Variants in NRG3 observed in about 807,000 individuals in gnomAD.
NRG3 encodes neuregulin 3, also known as pro-neuregulin-3, membrane-bound isoform.
NRG3 carries 31 observed loss-of-function variants against 66.9 expected under a neutral mutation model. The ratio of observed to expected loss-of-function variants is 0.46; its 90% confidence interval spans 0.35 to 0.63. The LOEUF is 0.63. Ranked by LOEUF, NRG3 falls within the 20% of genes least tolerant of loss-of-function variation. The pLI is 0.00. For synonymous variants in NRG3, 393 were observed against 359.4 expected, an observed-to-expected ratio of 1.09 and a Z score of -1.06; for missense variants, 910 against 878.9, an observed-to-expected ratio of 1.04 and a Z score of -0.45.
intron 2 of NRG3, among the ~76,000 whole-genome samples, chr10:82,404,500 C>G (rs2087353248): frequency 6.6e-6 from 1 of 152,152 alleles, no homozygotes; most frequent in African/African-American, 2.4e-5. Context: ...GATTTAGAAC[C>G]ACATTTTCTC....
intron 2 of NRG3, among the ~76,000 whole-genome samples, chr10:82,694,967 TCATTTTAAGGCAGC>T (rs1477180015): frequency 8.5e-5 from 13 of 152,088 alleles, no homozygotes; most frequent in African/African-American, 2.4e-4. Context: ...AATTACAATC[TCATTTTAAGGCAGC>T]CATTTTAAGG....
At chr10:82,329,407 GTTGT>G (rs146279511) in intron 1 of NRG3, among the ~76,000 whole-genome samples, 16,909 of 108,624 alleles carry the variant, frequency 0.16, 1,694 homozygotes, top group African/African-American at 0.32. Flanking sequence ...TTTTTGTTTT[GTTGT>G]TTGTTTGGTG....
At chr10:82,424,096 A>G (rs543355000) in intron 2 of NRG3, among the ~76,000 whole-genome samples, 2 of 152,136 alleles carry the variant, frequency 1.3e-5, no homozygotes, top group East Asian at 3.9e-4. Context: ...ATGCTTCTAT[A>G]GACATTTGCC....
intron 3 of NRG3, among the ~76,000 whole-genome samples, chr10:82,839,069 C>T (rs1171491253): frequency 6.6e-6 from 1 of 152,154 alleles, no homozygotes; most frequent in African/African-American, 2.4e-5. Flanking sequence ...ATCTCTCCCA[C>T]AACACGTGAG....
rs530514205 is a variant in NRG3, at chr10:82,502,520, G to A, written c.953+143652G>A. Among the ~76,000 whole-genome samples the A allele has an allele frequency of 3.0e-4, 45 of 152,214 alleles. No individual in the cohort carries two copies. In the South Asian group the frequency reaches 8.3e-3, roughly 28 times the overall value. On this transcript the variant is annotated intron_variant, in intron 2 of 8. Coordinates refer to ENST00000372141, the MANE Select transcript of NRG3 (RefSeq NM_001010848.4). The stretch of plus-strand genomic sequence containing the variant: ...AAATTTTATTAATTAAATATTAATT[G>A]CATTTTTCTGATATTTCAATGAAAA...
chr10:81,979,710 G>A (rs2060264178), intron 1 of NRG3, among the ~76,000 whole-genome samples: 1 of 152,096 alleles, frequency 6.6e-6, no homozygotes, highest in Non-Finnish European at 1.5e-5. Context: ...TCACATGCAT[G>A]CACAAACACA....
At chr10:82,180,055 A>G (rs1366558495) in intron 1 of NRG3, among the ~76,000 whole-genome samples, 2 of 151,790 alleles carry the variant, frequency 1.3e-5, no homozygotes, top group African/African-American at 4.8e-5. Context: ...TTGTTAGTGT[A>G]TAAACACAAC....
intron 2 of NRG3, among the ~76,000 whole-genome samples, chr10:82,679,652 C>T (rs1047638476): frequency 6.6e-6 from 1 of 152,104 alleles, no homozygotes; most frequent in Non-Finnish European, 1.5e-5. Context: ...AGAGTGGGGC[C>T]TTTCTGATTA....
At chr10:82,444,978 T>C (rs2090637506) in intron 2 of NRG3, among the ~76,000 whole-genome samples, 1 of 152,172 alleles carries the variant, frequency 6.6e-6, no homozygotes, top group African/African-American at 2.4e-5. Context: ...GATCAAATAT[T>C]TAAGGAAAAT....
chr10:82,304,115 A>G lies in NRG3; in HGVS notation c.824-54624A>G, dbSNP rs922666914. Reference sequence around the variant, plus strand: ...TGTTTTACAAGGGTTTCTACAATCAACATTTCCACTAGAAATATATGGAAA... The same window carrying G: ...TGTTTTACAAGGGTTTCTACAATCAGCATTTCCACTAGAAATATATGGAAA... On this transcript the variant is annotated intron_variant, in intron 1 of 8. Coordinates refer to ENST00000372141, the MANE Select transcript of NRG3 (RefSeq NM_001010848.4). Among the ~76,000 whole-genome samples, 39 of 152,328 alleles carry G rather than the reference A, an allele frequency of 2.6e-4. 1 individual carries two copies. The highest frequency in any genetic ancestry group is 4.1e-4 in the South Asian group (2 of 4,826).
At chr10:82,829,727 A>AC (rs1564543426) in intron 3 of NRG3, among the ~76,000 whole-genome samples, 3 of 152,190 alleles carry the variant, frequency 2.0e-5, no homozygotes, top group African/African-American at 7.2e-5. Context: ...TCGCCAGGTC[A>AC]TTCAGGTTTT....
intron 1 of NRG3, among the ~76,000 whole-genome samples, chr10:81,967,098 G>A (rs2059759698): frequency 6.6e-6 from 1 of 151,316 alleles, no homozygotes; most frequent in Non-Finnish European, 1.5e-5. Context: ...TTTATGTTTT[G>A]ATATATTTAT....
chr10:82,370,856 A>G (rs2084837918), intron 2 of NRG3, among the ~76,000 whole-genome samples: 1 of 152,142 alleles, frequency 6.6e-6, no homozygotes, highest in Admixed American at 6.6e-5. Flanking sequence ...CTCTAAAAAT[A>G]TGTTTATTTT....
At chr10:82,657,533 A>G (rs983476505) in intron 2 of NRG3, among the ~76,000 whole-genome samples, 7 of 152,164 alleles carry the variant, frequency 4.6e-5, no homozygotes, top group African/African-American at 1.7e-4. Flanking sequence ...TTAGAAAACA[A>G]TGTCATTTTT....
intron 2 of NRG3, among the ~76,000 whole-genome samples, chr10:82,737,972 G>A (rs769505672): frequency 2.0e-5 from 3 of 151,866 alleles, no homozygotes; most frequent in African/African-American, 4.8e-5. Context: ...AATAGAGAGA[G>A]AAAAAATCTG....
intron 2 of NRG3, among the ~76,000 whole-genome samples, chr10:82,489,067 C>T (rs995322483): frequency 5.9e-5 from 9 of 152,132 alleles, no homozygotes; most frequent in African/African-American, 2.2e-4. Context: ...TACACTCACA[C>T]AGCCCATATG....
chr10:82,672,917 T>C (rs2053398420), intron 2 of NRG3, among the ~76,000 whole-genome samples: 1 of 152,138 alleles, frequency 6.6e-6, no homozygotes, highest in Non-Finnish European at 1.5e-5. Context: ...ACCCGGCTAA[T>C]TTTTTGTGTT....
intron 1 of NRG3, among the ~76,000 whole-genome samples, chr10:81,952,490 A>G (rs1392651965): frequency 6.6e-6 from 1 of 152,034 alleles, no homozygotes; most frequent in Non-Finnish European, 1.5e-5. Flanking sequence ...TAGAGTAAGG[A>G]GAAAGTAGAA....
chr10:82,511,743 C>T (rs1023724005), intron 2 of NRG3, among the ~76,000 whole-genome samples: 1 of 152,074 alleles, frequency 6.6e-6, no homozygotes, highest in Admixed American at 6.5e-5. Flanking sequence ...CTTGGATGTC[C>T]TTGTTCTGCC....
Sources: gnomAD v4.1 joint callset for allele counts (sites outside exome capture counted in the v4.1 genomes callset) on GRCh38, gnomAD v4.1.1 for gene constraint, MANE v1.5 for transcripts, NCBI Gene and HGNC (gene_info 2026-07-23, HGNC 2026-07-21) for gene names.